Variants in TYRO3 observed in about 807,000 individuals in gnomAD.
TYRO3 encodes the protein TYRO3 protein tyrosine kinase.
TYRO3 carries 38 observed loss-of-function variants against 95.2 expected under a neutral mutation model. The ratio of observed to expected loss-of-function variants is 0.40; its 90% CI spans 0.31 to 0.52. The LOEUF (loss-of-function observed/expected upper bound fraction) is 0.52. Among genes scored for constraint, TYRO3 ranks in the 20% least tolerant of loss-of-function variants. The probability of loss-of-function intolerance (pLI) is 0.56; values close to 1 mark genes in which losing one functional copy is unlikely to be tolerated. For synonymous variants in TYRO3, 367 were observed against 432.9 expected, an observed-to-expected ratio of 0.85 and a Z score of 1.89; for missense variants, 812 against 1,116.4, an observed-to-expected ratio of 0.73 and a Z score of 3.89.
At chr15:41,570,449 C>T in intron 11 of TYRO3, 109 bp downstream of exon 11, 1 of 1,424,150 alleles carries the variant, frequency 7.0e-7, no homozygotes, top group Non-Finnish European at 9.8e-7. Flanking sequence ...CAGTGAGCCC[C>T]AGGCACACAA....
At position 41,571,651 on chromosome 15, in the gene TYRO3, A is replaced by G. The variant is rs2055797291; in HGVS notation, c.1717A>G (p.Lys573Glu). The G allele has an allele frequency of 6.2e-7, 1 of 1,613,738 alleles. No individual in the cohort carries two copies. The highest frequency in any genetic ancestry group is 8.5e-7 in the Non-Finnish European group (1 of 1,179,800). Residue 573 changes from lysine (K) to glutamate (E), a missense_variant, in exon 14 of 19, where the codon AAG (lysine) becomes GAG (glutamate). Physicochemically the swap from Lys to Glu is moderately conservative, Grantham distance 56 (BLOSUM62 1). Coordinates refer to ENST00000263798, the MANE Select transcript of TYRO3 (RefSeq NM_006293.4). ...EEFLREAACM[K>E]EFDHPHVAKL... is the part of the protein sequence containing the mutation. ...GTTCCTCAGGGAAGCAGCTTGCATG[A>G]AGGAGTTTGACCATCCACACGTGGC...
chr15:41,571,422 G>T, intron 13 of TYRO3, 173 bp from the exon 14 acceptor site: 1 of 620,278 alleles, frequency 1.6e-6, no homozygotes. Context: ...ATTAGCAAGT[G>T]GAGAAGTTGC....
chr15:41,571,856 T>A (rs1303842059), intron 14 of TYRO3, among the ~76,000 whole-genome samples, 169 bp downstream of exon 14: 2 of 151,534 alleles, frequency 1.3e-5, no homozygotes, highest in Non-Finnish European at 2.9e-5. Flanking sequence ...GTGCCAAAGG[T>A]CTGCACATGA....
chr15:41,566,433 A>G (rs1272456004), intron 6 of TYRO3, among the ~76,000 whole-genome samples: 1 of 151,700 alleles, frequency 6.6e-6, no homozygotes, highest in African/African-American at 2.4e-5. Context: ...ATGCCCATCC[A>G]GATGGCAAGG....
intron 6 of TYRO3, among the ~76,000 whole-genome samples, chr15:41,565,460 G>A (rs182974617): frequency 6.6e-6 from 1 of 151,742 alleles, no homozygotes; most frequent in African/African-American, 2.4e-5. Context: ...CCAGGCTGGA[G>A]TGCAGTGGTG....
In TYRO3 at chr15:41,561,351, G is replaced by A. The variant is rs539559305; in HGVS notation, c.308+41G>A. On this transcript the variant is annotated intron_variant, in intron 2 of 18. Transcript: ENST00000263798. ...GGAAGGTGTGGGCTGCCAGCCAGGG[G>A]GCAGGCTATGCTCTTTCCTTGGGGA... 5 of 1,414,656 alleles carry A rather than the reference G, an allele frequency of 3.5e-6. No homozygotes were observed. The Admixed American group carries it at 6.0e-5, about 17-fold the overall frequency. 87.6% of individuals were successfully genotyped at this position (1,414,656 alleles called of 1,614,324 possible).
At chr15:41,575,375 C>T (rs555358200) in intron 18 of TYRO3, among the ~76,000 whole-genome samples, 3 of 152,360 alleles carry the variant, frequency 2.0e-5, no homozygotes, top group African/African-American at 7.2e-5. Context: ...CTCTGAAGGG[C>T]AGTGGGGACC....
At chr15:41,568,171 G>A in intron 7 of TYRO3, 46 bp from the exon 8 acceptor site, 1 of 1,609,206 alleles carries the variant, frequency 6.2e-7, no homozygotes, top group East Asian at 2.2e-5. Flanking sequence ...GAATTATGAT[G>A]GTGGGAAGGG....
intron 15 of TYRO3, among the ~76,000 whole-genome samples, 192 bp from the exon 16 acceptor site, chr15:41,572,810 G>C (rs377322883): frequency 1.1e-4 from 17 of 152,318 alleles, no homozygotes; most frequent in African/African-American, 3.8e-4. Context: ...GCCCCAGGGT[G>C]GGGGAGTCTC....
chr15:41,562,611 T>C lies in TYRO3; in HGVS notation c.473T>C (p.Leu158Pro). 4.3e-6 allele frequency: 7 copies of C among 1,613,926 alleles called. No homozygotes were observed. The highest frequency in any genetic ancestry group is 5.9e-6 in the Non-Finnish European group (7 of 1,180,042). The change falls in exon 4 of 19, where the codon CTG (leucine) becomes CCG (proline). Residue 158 changes from leucine to proline, a missense_variant. Transcript: ENST00000263798. The stretch of plus-strand genomic sequence containing the variant: ...GTGCCACCCAATGCCCCTTTCCAAC[T>C]GTCTTGTGAGGCTGTGGGTCCCCCT... ...LAVPPNAPFQ[L>P]SCEAVGPPEP...
At chr15:41,564,426 G>T (rs925960371) in intron 5 of TYRO3, among the ~76,000 whole-genome samples, 156 bp downstream of exon 5, 10 of 152,132 alleles carry the variant, frequency 6.6e-5, no homozygotes, top group Admixed American at 1.3e-4. Flanking sequence ...ATTCCTAGTG[G>T]GAGCACCTGA....
chr15:41,573,650 C>T (rs945384421), intron 17 of TYRO3, 29 bp from the exon 18 acceptor site: 2 of 1,417,872 alleles, frequency 1.4e-6, no homozygotes, highest in Non-Finnish European at 1.9e-6. Flanking sequence ...CTAGTGACAG[C>T]TTCTCCCCCA....
chr15:41,572,458 G>A lies in TYRO3; in HGVS notation c.1769G>A (p.Ser590Asn), dbSNP rs2055808605. 1 of 1,614,202 alleles carries A rather than the reference G, an allele frequency of 6.2e-7. No homozygotes were observed. Among genetic ancestry groups the A allele is most frequent in the Admixed American group, 1.7e-5 (1 of 60,032 alleles). The change falls in exon 15 of 19, where the codon AGC (serine) becomes AAC (asparagine). Residue 590 changes from serine to asparagine, a missense_variant. Transcript: ENST00000263798. ...CTTGTCCCAGGGGTAAGCCTCCGGA[G>A]CAGGGCTAAAGGCCGTCTCCCCATC... ...VAKLVGVSLR[S>N]RAKGRLPIPM... is the part of the protein sequence containing the mutation.
At chr15:41,567,731 A>G (rs1449407976) in intron 7 of TYRO3, among the ~76,000 whole-genome samples, 194 bp downstream of exon 7, 1 of 152,250 alleles carries the variant, frequency 6.6e-6, no homozygotes, top group African/African-American at 2.4e-5. Flanking sequence ...GGAAAAGATC[A>G]GATAATGTGG....
At chr15:41,570,378 G>A in intron 11 of TYRO3, 38 bp downstream of exon 11, 2 of 1,128,052 alleles carry the variant, frequency 1.8e-6, no homozygotes, top group Non-Finnish European at 2.6e-6. Flanking sequence ...CAAATGGGCT[G>A]TCTTGTGCCC....
Position 41,567,470 on chromosome 15 carries a change from G to A in TYRO3, c.894G>A (p.Val298=). The A allele has an allele frequency of 6.2e-7, 1 of 1,607,396 alleles. No individual in the cohort carries two copies. The highest frequency in any genetic ancestry group is 8.5e-7 in the Non-Finnish European group (1 of 1,177,534). The part of the protein sequence containing the change: ...LVPATNYSLR[V]RCANALGPSP... ...CTGCCACCAACTACAGCCTCAGGGT[G>A]CGCTGTGCCAATGCCTTGGGGCCCT... Residue 298 remains valine (V), a synonymous_variant, in exon 7 of 19, where the codon GTG becomes GTA. Transcript: ENST00000263798.
At chr15:41,567,329 C>G in intron 6 of TYRO3, 31 bp from the exon 7 acceptor site, 3 of 1,485,390 alleles carry the variant, frequency 2.0e-6, no homozygotes, top group East Asian at 2.5e-5. Flanking sequence ...CAGGCTCTCC[C>G]CTACATCATT....
chr15:41,574,559 G>GT, intron 18 of TYRO3: 1 of 443,412 alleles, frequency 2.3e-6, no homozygotes, highest in Non-Finnish European at 4.6e-6. Flanking sequence ...CACAGAGCTA[G>GT]TAAGTGAATA....
chr15:41,576,668 T>TG, intron 18 of TYRO3, among the ~76,000 whole-genome samples: 1 of 127,770 alleles, frequency 7.8e-6, no homozygotes, highest in Non-Finnish European at 1.7e-5. Flanking sequence ...TTTTTTTTTT[T>TG]TAAAAAAAAA....
Sources: allele counts gnomAD v4.1 joint callset (sites outside exome capture counted in the v4.1 genomes callset), GRCh38; gene constraint gnomAD v4.1.1; transcripts MANE v1.5; gene names NCBI Gene and HGNC (gene_info 2026-07-23, HGNC 2026-07-21).